Variants in ABLIM1 observed in about 807,000 individuals in gnomAD.
ABLIM1 encodes actin binding LIM protein 1.
Under a neutral mutation model 107.0 loss-of-function variants are expected in ABLIM1, and 40 were observed. The observed-to-expected ratio is 0.37, with a 90% CI of 0.29 to 0.49. ABLIM1 has a LOEUF of 0.49. Among genes scored for constraint, ABLIM1 ranks in the 20% least tolerant of loss-of-function variants. ABLIM1 has a pLI of 0.97. For missense variants in ABLIM1, 857 were observed against 1,008.5 expected, an observed-to-expected ratio of 0.85 and a Z score of 2.04; for synonymous variants, 357 against 357.3, an observed-to-expected ratio of 1.00 and a Z score of 0.01.
rs2059286542 is a variant in ABLIM1, at chr10:114,435,500, G to A, written c.*760C>T. On this transcript the variant is annotated 3_prime_UTR_variant, in exon 23 of 23. Transcript: ENST00000533213. ...CCAGACAGCTCCTGTCCTAGGCGGG[G>A]AGCAGGAACCAGACCTGCTATGGGA... is the stretch of plus-strand genomic sequence containing the variant. The A allele has an allele frequency of 6.6e-6, 1 of 152,232 alleles. No individual in the cohort carries two copies. The highest frequency in any genetic ancestry group is 1.5e-5 in the Non-Finnish European group (1 of 68,074). The allele number at this position is 152,232 out of a possible 1,614,324, so 9.4% of individuals were successfully genotyped here.
At chr10:114,502,788 T>C (rs2060603865) in intron 6 of ABLIM1, among the ~76,000 whole-genome samples, 1 of 152,198 alleles carries the variant, frequency 6.6e-6, no homozygotes, top group South Asian at 2.1e-4. Flanking sequence ...CAGTATAGCA[T>C]TGAGAAAAAT....
At chr10:114,474,476 G>A (rs2067203763) in intron 8 of ABLIM1, among the ~76,000 whole-genome samples, 1 of 149,126 alleles carries the variant, frequency 6.7e-6, no homozygotes, top group South Asian at 2.1e-4. Context: ...CGCCTCCCAG[G>A]TTCACACTTT....
chr10:114,510,593 T>A (rs968085446), intron 6 of ABLIM1, among the ~76,000 whole-genome samples: 1 of 151,978 alleles, frequency 6.6e-6, no homozygotes, highest in African/African-American at 2.4e-5. Context: ...TATAACAAAA[T>A]ACCAATGCTC....
intron 4 of ABLIM1, among the ~76,000 whole-genome samples, chr10:114,567,110 G>A (rs993397206): frequency 2.0e-5 from 3 of 152,222 alleles, no homozygotes; most frequent in African/African-American, 7.2e-5. Context: ...GGAGGCTGCT[G>A]TGCCTCCCAT....
At chr10:114,630,171 G>C (rs569016047) in intron 1 of ABLIM1, among the ~76,000 whole-genome samples, 1 of 152,276 alleles carries the variant, frequency 6.6e-6, no homozygotes, top group South Asian at 2.1e-4. Flanking sequence ...ATATAGCAAG[G>C]CTAGGTCTTC....
Position 114,723,008 on chromosome 10 carries a change from C to T in ABLIM1, c.-213+45053G>A, listed in dbSNP as rs73373725. On this transcript the variant is annotated intron_variant, in intron 1 of 15. Coordinates refer to the ABLIM1 transcript ENST00000651092. Reference sequence around the variant, plus strand: ...TGTACCATAATGATTATTTACATGTCTGTTTCACCAGTAAACCAGGAATTC... The same window carrying T: ...TGTACCATAATGATTATTTACATGTTTGTTTCACCAGTAAACCAGGAATTC... Among the ~76,000 whole-genome samples, 1,022 of 152,314 alleles carry T rather than the reference C, an allele frequency of 6.7e-3. 8 individuals are homozygous for T. Among genetic ancestry groups the T allele is most frequent in the African/African-American group, 0.023 (964 of 41,578 alleles).
At chr10:114,800,929 A>T in the ABLIM1 span, among the ~76,000 whole-genome samples, 1 of 152,122 alleles carries the variant, frequency 6.6e-6, no homozygotes, top group East Asian at 1.9e-4. Context: ...AAACAAAAAA[A>T]AAGAAAAGAA....
chr10:114,442,608 C>T (rs2060350469), intron 17 of ABLIM1, among the ~76,000 whole-genome samples: 1 of 152,152 alleles, frequency 6.6e-6, no homozygotes, highest in East Asian at 1.9e-4. Context: ...GCGGGAATTC[C>T]AGGTAAGGGT....
chr10:114,706,160 G>C (rs1285008050), intron 1 of ABLIM1, among the ~76,000 whole-genome samples: 1 of 152,186 alleles, frequency 6.6e-6, no homozygotes, highest in Admixed American at 6.5e-5. Context: ...AAAACAGTAA[G>C]ATATAATTAG....
intron 12 of ABLIM1, among the ~76,000 whole-genome samples, chr10:114,462,123 C>T (rs779225340): frequency 6.6e-6 from 1 of 152,174 alleles, no homozygotes; most frequent in Non-Finnish European, 1.5e-5. Flanking sequence ...AGACTGACAA[C>T]GAAAATTCAG....
rs1591697573 is a variant in ABLIM1 at position 114,639,648 on chromosome 10, C to T, written c.244+18309G>A. Among the ~76,000 whole-genome samples, 3 of 152,334 alleles carry T rather than the reference C, an allele frequency of 2.0e-5. No individual in the cohort carries two copies. In the Middle Eastern group the frequency reaches 0.01, roughly 518 times the overall value. On this transcript the variant is annotated intron_variant, in intron 1 of 22. Transcript: ENST00000533213. ...CAGCTTCATGGCATGTAACCTGCAG[C>T]GTTGCATAGGTTCAGAAGATGTTCA...
At chr10:114,677,406 G>C (rs987645356) in intron 1 of ABLIM1, among the ~76,000 whole-genome samples, 6 of 152,154 alleles carry the variant, frequency 3.9e-5, no homozygotes, top group African/African-American at 1.4e-4. Flanking sequence ...TCTTATCCAA[G>C]GAGCATTCTG....
At chr10:114,650,066 A>T (rs1176527715) in intron 1 of ABLIM1, among the ~76,000 whole-genome samples, 1 of 152,132 alleles carries the variant, frequency 6.6e-6, no homozygotes, top group Non-Finnish European at 1.5e-5. Flanking sequence ...TATGTTGGCC[A>T]GGCTGGTCTC....
In ABLIM1 at chr10:114,445,365, C is replaced by G. The variant is rs1246035957; in HGVS notation, c.1774G>C (p.Asp592His). The G allele has an allele frequency of 6.2e-7, 1 of 1,613,616 alleles. No individual in the cohort carries two copies. Among genetic ancestry groups the G allele is most frequent in the Admixed American group, 1.7e-5 (1 of 59,914 alleles). Residue 592 changes from aspartate (D) to histidine (H), a missense_variant, in exon 16 of 23, where the codon GAT becomes CAT. Asp to His is a moderately conservative substitution (Grantham distance 81). Coordinates refer to ENST00000533213, the MANE Select transcript of ABLIM1 (RefSeq NM_002313.7). ...CGACGTCTCAGAAGTTCCTCATCAT[C>G]TTCCTCTCTGCCACTAGATCTGCGT... The part of the protein sequence containing the change: ...MKRRSSGREE[D>H]DEELLRRRQL...
chr10:114,725,863 G>A (rs2081948507), intron 1 of ABLIM1, among the ~76,000 whole-genome samples: 2 of 151,370 alleles, frequency 1.3e-5, no homozygotes, highest in Admixed American at 6.6e-5. Context: ...TCCTACCTCA[G>A]CCTCTCAGAG....
intron 1 of ABLIM1, among the ~76,000 whole-genome samples, chr10:114,611,812 ATGACTCCTT>A (rs2076829056): frequency 6.6e-6 from 1 of 152,204 alleles, no homozygotes; most frequent in Non-Finnish European, 1.5e-5. Context: ...TCCTAAAAGC[ATGACTCCTT>A]TGACACACTC....
chr10:114,686,178 T>A (rs1361313651), upstream of ABLIM1, among the ~76,000 whole-genome samples: 5 of 152,132 alleles, frequency 3.3e-5, no homozygotes, highest in African/African-American at 1.2e-4. Flanking sequence ...ATTTGACTTG[T>A]GTTAGTTGAA....
chr10:114,679,375 C>T (rs1019830875), intron 1 of ABLIM1, among the ~76,000 whole-genome samples: 1 of 152,118 alleles, frequency 6.6e-6, no homozygotes. Context: ...TGGCTCATGT[C>T]TGTAATCCCA....
At chr10:114,717,995 GAA>G (rs1566269136) in intron 1 of ABLIM1, among the ~76,000 whole-genome samples, 6 of 79,718 alleles carry the variant, frequency 7.5e-5, no homozygotes, top group Non-Finnish European at 1.1e-4. Context: ...AGAAAGAAAG[GAA>G]GGAAGGAAGG....
Sources: gnomAD v4.1 joint callset for allele counts (sites outside exome capture counted in the v4.1 genomes callset) on GRCh38, gnomAD v4.1.1 for gene constraint, MANE v1.5 for transcripts, NCBI Gene and HGNC (gene_info 2026-07-23, HGNC 2026-07-21) for gene names.